Variants in SAMD12 observed in about 807,000 individuals in gnomAD.
SAMD12 encodes sterile alpha motif domain containing 12.
Under a neutral mutation model 15.0 loss-of-function variants are expected in SAMD12, and 9 were observed. That is an observed-to-expected ratio of 0.60 (90% confidence interval 0.36 to 1.05). SAMD12 has a LOEUF of 1.05. SAMD12 is among the 50% of genes least tolerant of loss of function. The pLI, the probability that SAMD12 is intolerant of heterozygous loss-of-function variation, is 0.01. For missense variants in SAMD12, 230 were observed against 234.2 expected (o/e 0.98, Z 0.12); for synonymous variants, 86 against 90.1 (o/e 0.96, Z 0.25).
At chr8:118,481,931 A>T (rs182022192) in intron 2 of SAMD12, among the ~76,000 whole-genome samples, 2 of 152,306 alleles carry the variant, frequency 1.3e-5, no homozygotes, top group East Asian at 3.9e-4. Context: ...CAAGACCTCT[A>T]CCTATATTAA....
intron 2 of SAMD12, among the ~76,000 whole-genome samples, chr8:118,470,023 G>T (rs1436901978): frequency 1.3e-5 from 2 of 151,918 alleles, no homozygotes; most frequent in Non-Finnish European, 2.9e-5. Flanking sequence ...GTATATAATG[G>T]AATACTCCTC....
chr8:118,495,209 T>C (rs7812375), intron 2 of SAMD12, among the ~76,000 whole-genome samples: 29 of 152,304 alleles, frequency 1.9e-4, no homozygotes, highest in African/African-American at 6.7e-4. Context: ...TTGTGTCAAC[T>C]GAAGTCATCA....
chr8:118,425,450 A>C (rs1822202861), intron 3 of SAMD12, among the ~76,000 whole-genome samples: 1 of 152,180 alleles, frequency 6.6e-6, no homozygotes, highest in African/African-American at 2.4e-5. Flanking sequence ...CTAAGGCAAG[A>C]GGACTGCTTG....
At chr8:118,153,268 C>G in the SAMD12 span, among the ~76,000 whole-genome samples, 1 of 117,028 alleles carries the variant, frequency 8.5e-6, no homozygotes, top group South Asian at 2.7e-4. Context: ...AAAGAGGAAA[C>G]AGCTATCTCA....
intron 4 of SAMD12, among the ~76,000 whole-genome samples, chr8:118,278,596 A>G (rs1221436967): frequency 2.0e-5 from 3 of 152,124 alleles, no homozygotes; most frequent in African/African-American, 7.2e-5. Context: ...GTCACTGACT[A>G]TTTGCTGCTG....
At chr8:118,169,918 C>T in the SAMD12 span, among the ~76,000 whole-genome samples, 1 of 152,034 alleles carries the variant, frequency 6.6e-6, no homozygotes, top group Non-Finnish European at 1.5e-5. Flanking sequence ...TATAAACACA[C>T]ATTATGGAGA....
chr8:118,431,488 T>C lies in SAMD12; in HGVS notation c.322+8344A>G, dbSNP rs564587985. Among the ~76,000 whole-genome samples the C allele has an allele frequency of 8.5e-4, 130 of 152,254 alleles. 1 individual carries two copies. Among genetic ancestry groups the C allele is most frequent in the Middle Eastern group, 3.4e-3 (1 of 294 alleles). ...GCCTTTCCTTACTTTTCTTTTATGT[T>C]TGAAGAATAATTTTATTGGATATAG... On this transcript the variant is annotated intron_variant, in intron 3 of 3. Coordinates refer to ENST00000314727, the MANE Select transcript of SAMD12 (RefSeq NM_207506.3).
intron 4 of SAMD12, among the ~76,000 whole-genome samples, chr8:118,235,167 CA>C (rs1053407465): frequency 1.3e-5 from 2 of 151,928 alleles, no homozygotes; most frequent in African/African-American, 4.8e-5. Flanking sequence ...AGTCCATTAA[CA>C]AATAACATAC....
chr8:118,316,940 C>A (rs991787446), intron 4 of SAMD12, among the ~76,000 whole-genome samples: 1 of 150,824 alleles, frequency 6.6e-6, no homozygotes, highest in Admixed American at 6.7e-5. Context: ...CAGGTGTTAG[C>A]CACCGTGCCT....
At chr8:118,337,489 C>T (rs1019946548) in intron 4 of SAMD12, among the ~76,000 whole-genome samples, 23 of 152,266 alleles carry the variant, frequency 1.5e-4, no homozygotes, top group Admixed American at 3.3e-4. Context: ...TGCTTTCTGC[C>T]GTTTTAGTTA....
intron 1 of SAMD12, among the ~76,000 whole-genome samples, chr8:118,583,181 C>T (rs1383824701): frequency 6.6e-6 from 1 of 152,146 alleles, no homozygotes; most frequent in African/African-American, 2.4e-5. Context: ...TTCCCCAAAC[C>T]ACACTGCTGC....
intron 1 of SAMD12, among the ~76,000 whole-genome samples, chr8:118,585,731 C>T (rs778653444): frequency 3.9e-5 from 6 of 152,196 alleles, no homozygotes; most frequent in Non-Finnish European, 8.8e-5. Flanking sequence ...TCAGCAGAAG[C>T]AGGGCTTGGA....
At chr8:118,294,205 C>G in intron 4 of SAMD12, among the ~76,000 whole-genome samples, 1 of 152,152 alleles carries the variant, frequency 6.6e-6, no homozygotes, top group East Asian at 1.9e-4. Context: ...AAAAGCCCTT[C>G]CTTCCACACT....
rs542614209 is a variant in SAMD12 at position 118,599,604 on chromosome 8, A to G, written c.14-18711T>C. On this transcript the variant is annotated intron_variant, in intron 1 of 3. Transcript: ENST00000314727. ...ATCACCCCACTTTCACAACGATTCA[A>G]TGTTCGCTTAGGGATAAAGTCTTTA... 7.0e-4 allele frequency among the ~76,000 whole-genome samples: 106 copies of G among 152,246 alleles called. 1 individual carries two copies. Among genetic ancestry groups the G allele is most frequent in the African/African-American group, 2.6e-3 (106 of 41,544 alleles).
At chr8:118,216,720 T>C (rs1811969216) in intron 4 of SAMD12, among the ~76,000 whole-genome samples, 1 of 152,150 alleles carries the variant, frequency 6.6e-6, no homozygotes, top group South Asian at 2.1e-4. Context: ...TATCATAGCA[T>C]AATAAATAAC....
At chr8:118,286,761 T>G (rs2130211327) in intron 4 of SAMD12, among the ~76,000 whole-genome samples, 1 of 152,248 alleles carries the variant, frequency 6.6e-6, no homozygotes, top group East Asian at 1.9e-4. Flanking sequence ...TAGATTCCAT[T>G]GAGAATGGTA....
intron 2 of SAMD12, among the ~76,000 whole-genome samples, chr8:118,535,432 A>G (rs972600942): frequency 2.0e-5 from 3 of 152,236 alleles, no homozygotes; most frequent in South Asian, 2.1e-4. Flanking sequence ...CCGTTCTCAG[A>G]TCTCAAACTC....
chr8:118,381,516 A>G (rs747406664), intron 3 of SAMD12, among the ~76,000 whole-genome samples: 20 of 152,178 alleles, frequency 1.3e-4, no homozygotes, highest in Non-Finnish European at 2.2e-4. Context: ...GAGATGGGAG[A>G]GTATCTTTCA....
chr8:118,157,460 C>G, the SAMD12 span, among the ~76,000 whole-genome samples: 1 of 152,302 alleles, frequency 6.6e-6, no homozygotes, highest in Non-Finnish European at 1.5e-5. Context: ...AAGGAGACTT[C>G]AGCTATTGCT....
Sources: gnomAD v4.1 joint callset for allele counts (sites outside exome capture counted in the v4.1 genomes callset) on GRCh38, gnomAD v4.1.1 for gene constraint, MANE v1.5 for transcripts, NCBI Gene and HGNC (gene_info 2026-07-23, HGNC 2026-07-21) for gene names.